Variants in DNAJC16 observed in about 807,000 individuals in gnomAD.
The protein encoded by DNAJC16 is dnaJ homolog subfamily C member 16.
A neutral mutation model predicts 92.7 loss-of-function variants in DNAJC16; 76 were observed. That is an observed-to-expected ratio of 0.82 (90% CI 0.68 to 0.99). DNAJC16 has a LOEUF of 0.99. DNAJC16 is among the 50% of genes least tolerant of loss of function. The pLI, the probability that DNAJC16 is intolerant of heterozygous loss-of-function variation, is 0.00. For missense variants in DNAJC16, 869 were observed against 942.4 expected, an observed-to-expected ratio of 0.92 and a Z score of 1.02; for synonymous variants, 328 against 358.7, an observed-to-expected ratio of 0.91 and a Z score of 0.97.
intron 2 of DNAJC16, among the ~76,000 whole-genome samples, 169 bp downstream of exon 2, chr1:15,529,441 C>A (rs754756111): frequency 6.6e-6 from 1 of 152,006 alleles, no homozygotes; most frequent in African/African-American, 2.4e-5. Context: ...TAATTGTTAG[C>A]GATAAGATCC....
At chr1:15,545,136 A>G (rs1159485105) in intron 5 of DNAJC16, among the ~76,000 whole-genome samples, 1 of 152,224 alleles carries the variant, frequency 6.6e-6, no homozygotes, top group African/African-American at 2.4e-5. Context: ...TAAAGTTCAC[A>G]TTGGTCTATT....
At chr1:15,546,615 T>C (rs1638314409) in intron 5 of DNAJC16, 152 bp from the exon 6 acceptor site, 1 of 609,090 alleles carries the variant, frequency 1.6e-6, no homozygotes, top group Non-Finnish European at 2.9e-6. Context: ...TTTAATAGCT[T>C]TAGCCAAATG....
intron 4 of DNAJC16, among the ~76,000 whole-genome samples, chr1:15,539,232 C>G (rs1710871441): frequency 6.7e-6 from 1 of 148,298 alleles, no homozygotes; most frequent in African/African-American, 2.6e-5. Context: ...TCACATATGC[C>G]TTTTTATTTT....
chr1:15,539,355 C>T (rs762775032), intron 4 of DNAJC16, among the ~76,000 whole-genome samples: 4 of 150,862 alleles, frequency 2.7e-5, no homozygotes, highest in African/African-American at 7.3e-5. Flanking sequence ...ACACCGTTCT[C>T]CTGCCTCAGC....
intron 9 of DNAJC16, among the ~76,000 whole-genome samples, chr1:15,563,676 A>T (rs1638741169): frequency 6.7e-6 from 1 of 149,518 alleles, no homozygotes; most frequent in Admixed American, 6.7e-5. Flanking sequence ...AAAAAAAAAA[A>T]AAAAAAAAAA....
In DNAJC16 at chr1:15,536,699, G is replaced by A; in HGVS notation, c.459G>A (p.Val153=). 1 of 1,614,096 alleles carries A rather than the reference G, an allele frequency of 6.2e-7. No homozygotes were observed. Among genetic ancestry groups the A allele is most frequent in the Non-Finnish European group, 8.5e-7 (1 of 1,180,004 alleles). Residue 153 remains valine, a synonymous_variant, in exon 4 of 15, where the codon GTG becomes GTA. Transcript: ENST00000375847. Reference sequence around the variant, plus strand: ...ACTTTTCACATTATGTGAATGAAGTGGTTCCAGATAGCTTCAAGAAACCCT... The same window carrying A: ...ACTTTTCACATTATGTGAATGAAGTAGTTCCAGATAGCTTCAAGAAACCCT... ...LLHFSHYVNE[V]VPDSFKKPYL... is the part of the protein sequence containing the mutation.
chr1:15,559,688 A>T (rs753235339), intron 8 of DNAJC16, 32 bp downstream of exon 8: 1 of 1,609,508 alleles, frequency 6.2e-7, no homozygotes, highest in South Asian at 1.1e-5. Context: ...TCTGCTTGTT[A>T]TTACAATAGA....
At position 15,533,538 on chromosome 1, in the gene DNAJC16, G is replaced by A. The variant is rs768625412; in HGVS notation, c.168-699G>A. On this transcript the variant is annotated intron_variant, in intron 2 of 14. Coordinates refer to ENST00000375847, the MANE Select transcript of DNAJC16 (RefSeq NM_015291.4). ...AGCTACTCGGGAGGCTGAGGCAAGA[G>A]AATCGCTTGAGCCTGGGAGGCAGAG... Among the ~76,000 whole-genome samples the A allele has an allele frequency of 1.3e-3, 201 of 152,300 alleles. 1 individual carries two copies. The highest frequency in any genetic ancestry group is 6.3e-4 in the Non-Finnish European group (43 of 68,030).
chr1:15,567,016 AT>A (rs962870602), intron 13 of DNAJC16, 82 bp from the exon 14 acceptor site: 15 of 1,337,176 alleles, frequency 1.1e-5, no homozygotes, highest in Non-Finnish European at 1.6e-5. Flanking sequence ...AGAACATAGC[AT>A]TTTCTTTCAG....
chr1:15,559,672 T>C lies in DNAJC16; in HGVS notation c.1154+16T>C. On this transcript the variant is annotated intron_variant, in intron 8 of 14. Coordinates refer to ENST00000375847, the MANE Select transcript of DNAJC16 (RefSeq NM_015291.4). Reference sequence around the variant, plus strand: ...GACAGAGGAAGTAAGGACTTAAGGCTTTGCCTCTGCTTGTTATTACAATAG... The same window carrying C: ...GACAGAGGAAGTAAGGACTTAAGGCCTTGCCTCTGCTTGTTATTACAATAG... 1 of 1,611,654 alleles carries C rather than the reference T, an allele frequency of 6.2e-7. No individual in the cohort carries two copies. Among genetic ancestry groups the C allele is most frequent in the Non-Finnish European group, 8.5e-7 (1 of 1,178,590 alleles).
At chr1:15,542,769 G>A (rs564891685) in intron 4 of DNAJC16, among the ~76,000 whole-genome samples, 1 of 152,176 alleles carries the variant, frequency 6.6e-6, no homozygotes, top group Non-Finnish European at 1.5e-5. Flanking sequence ...GGATTTATGG[G>A]GAACCCCCAC....
At chr1:15,561,683 C>G (rs1464497585) in intron 8 of DNAJC16, among the ~76,000 whole-genome samples, 1 of 151,852 alleles carries the variant, frequency 6.6e-6, no homozygotes, top group Non-Finnish European at 1.5e-5. Context: ...AAGACTCCAT[C>G]TCAAAAAATA....
chr1:15,563,056 G>C (rs1557587698), intron 9 of DNAJC16, among the ~76,000 whole-genome samples: 1 of 151,192 alleles, frequency 6.6e-6, no homozygotes. Flanking sequence ...CTCCTGCATT[G>C]TCATCACTTC....
chr1:15,534,191 A>G (rs1175709762), intron 2 of DNAJC16, 46 bp from the exon 3 acceptor site: 3 of 1,605,742 alleles, frequency 1.9e-6, no homozygotes, highest in Non-Finnish European at 2.6e-6. Context: ...ATGACTGTGC[A>G]TTAAAAGTTA....
chr1:15,558,649 A>T (rs1265847461), intron 7 of DNAJC16, among the ~76,000 whole-genome samples: 2 of 152,084 alleles, frequency 1.3e-5, no homozygotes, highest in African/African-American at 4.8e-5. Flanking sequence ...TTAATTTCCA[A>T]ACATAAAGGG....
intron 4 of DNAJC16, among the ~76,000 whole-genome samples, chr1:15,539,139 A>G (rs746268335): frequency 1.1e-4 from 17 of 152,248 alleles, no homozygotes; most frequent in Non-Finnish European, 2.1e-4. Context: ...CAGCCTCAGT[A>G]TAGTATTTTT....
chr1:15,537,487 A>T (rs1710820546), intron 4 of DNAJC16, among the ~76,000 whole-genome samples: 1 of 152,212 alleles, frequency 6.6e-6, no homozygotes, highest in African/African-American at 2.4e-5. Context: ...GCACAGAATA[A>T]TGTTTTACTG....
In DNAJC16 at chr1:15,536,657, C is replaced by T. The variant is rs146729141; in HGVS notation, c.417C>T (p.Asp139=). 8.7e-6 allele frequency: 14 copies of T among 1,613,946 alleles called. No individual in the cohort carries two copies. Among genetic ancestry groups the T allele is most frequent in the Admixed American group, 1.7e-5 (1 of 60,004 alleles). ...ATTCTGAACGGCGGGACTCAATTGACGAAAAGTATTTATTGCACTTTTCAC... is the reference window on the plus strand; with the variant it reads ...ATTCTGAACGGCGGGACTCAATTGATGAAAAGTATTTATTGCACTTTTCAC... The part of the protein sequence containing the change: ...PFNSERRDSI[D]EKYLLHFSHY... The change falls in exon 4 of 15, where the codon GAC becomes GAT. Residue 139 remains aspartate (D), a synonymous_variant. Coordinates refer to ENST00000375847, the MANE Select transcript of DNAJC16 (RefSeq NM_015291.4).
Position 15,568,902 on chromosome 1 carries a change from A to C in DNAJC16, c.*725A>C. 2.6e-6 allele frequency: 1 copy of C among 392,096 alleles called. No homozygotes were observed. Among genetic ancestry groups the C allele is most frequent in the Non-Finnish European group, 4.5e-6 (1 of 221,972 alleles). The allele number at this position is 392,096 out of a possible 1,614,324, so 24.3% of individuals were successfully genotyped here. A position where few individuals can be genotyped will look rare whatever the true frequency, so the allele number is the denominator to read the frequency against. On this transcript the variant is annotated 3_prime_UTR_variant, in exon 15 of 15. Coordinates refer to ENST00000375847, the MANE Select transcript of DNAJC16 (RefSeq NM_015291.4). The stretch of plus-strand genomic sequence containing the variant: ...CTGTGAGCATCCCATCCGCCGCCCC[A>C]GCGCTGCTGGTAGCCAGGGGAGGGG...
Sources: allele counts gnomAD v4.1 joint callset (sites outside exome capture counted in the v4.1 genomes callset), GRCh38; gene constraint gnomAD v4.1.1; transcripts MANE v1.5; gene names NCBI Gene and HGNC (gene_info 2026-07-23, HGNC 2026-07-21).